REDIC1: variants seen among roughly 807,000 people sequenced by gnomAD.
REDIC1 encodes HEI10 Interacting Protein 1.
chr12:39,719,219 C>T, the REDIC1 span, among the ~76,000 whole-genome samples: 6 of 152,020 alleles, frequency 3.9e-5, no homozygotes, highest in Non-Finnish European at 7.4e-5. Flanking sequence ...TTAACTAGTT[C>T]CATTCCCTGA....
the REDIC1 span, among the ~76,000 whole-genome samples, chr12:39,839,216 A>G: frequency 2.0e-5 from 3 of 152,172 alleles, no homozygotes; most frequent in Non-Finnish European, 4.4e-5. Flanking sequence ...CAGCGACTCC[A>G]TGCCTTGCTT....
At chr12:39,655,694 C>A in the REDIC1 span, among the ~76,000 whole-genome samples, 2 of 152,268 alleles carry the variant, frequency 1.3e-5, no homozygotes, top group South Asian at 4.1e-4. Context: ...TGATGCCCTT[C>A]CATTACGGGG....
chr12:39,886,463 T>C, the REDIC1 span, among the ~76,000 whole-genome samples: 1 of 152,128 alleles, frequency 6.6e-6, no homozygotes, highest in Admixed American at 6.5e-5. Context: ...GAAGAAGAAA[T>C]GCAATTATCT....
chr12:39,766,918 TAA>T, the REDIC1 span, among the ~76,000 whole-genome samples: 1 of 152,110 alleles, frequency 6.6e-6, no homozygotes, highest in Non-Finnish European at 1.5e-5. Context: ...CTTTCTCCCC[TAA>T]AGTCTTCAGC....
the REDIC1 span, among the ~76,000 whole-genome samples, chr12:39,838,886 A>C: frequency 6.6e-6 from 1 of 152,082 alleles, no homozygotes; most frequent in African/African-American, 2.4e-5. Flanking sequence ...AATGAGATGG[A>C]GCACTAAGAA....
the REDIC1 span, chr12:39,720,946 G>A: frequency 6.2e-7 from 1 of 1,613,680 alleles, no homozygotes; most frequent in Non-Finnish European, 8.5e-7. Context: ...CAAACAGAAT[G>A]AGAATTTCTA....
At chr12:39,795,598 A>C in the REDIC1 span, among the ~76,000 whole-genome samples, 1 of 151,986 alleles carries the variant, frequency 6.6e-6, no homozygotes, top group Non-Finnish European at 1.5e-5. Context: ...TTATCTATGG[A>C]ATGATTTGGG....
chr12:39,655,632 G>A, the REDIC1 span, among the ~76,000 whole-genome samples: 10 of 152,174 alleles, frequency 6.6e-5, no homozygotes, highest in Non-Finnish European at 1.2e-4. Context: ...GTCTCAGGGA[G>A]CTGCAGTGTT....
At chr12:39,667,294 A>G in the REDIC1 span, among the ~76,000 whole-genome samples, 1 of 152,308 alleles carries the variant, frequency 6.6e-6, no homozygotes, top group African/African-American at 2.4e-5. Flanking sequence ...TTCAAAGAAT[A>G]TCTTTATTTC....
the REDIC1 span, among the ~76,000 whole-genome samples, chr12:39,722,500 C>T: frequency 6.6e-6 from 1 of 152,050 alleles, no homozygotes; most frequent in Non-Finnish European, 1.5e-5. Context: ...CATACTATAG[C>T]AGTGAACACT....
At chr12:39,662,572 G>A in the REDIC1 span, among the ~76,000 whole-genome samples, 1 of 151,796 alleles carries the variant, frequency 6.6e-6, no homozygotes, top group East Asian at 1.9e-4. Flanking sequence ...CATGTCATCT[G>A]CAAAGAGGGA....
At chr12:39,713,305 C>G in the REDIC1 span, among the ~76,000 whole-genome samples, 4 of 18,702 alleles carry the variant, frequency 2.1e-4, no homozygotes, top group Non-Finnish European at 5.8e-4. Context: ...TGTACACACA[C>G]ATACGTGTAT....
At chr12:39,862,713 C>G in the REDIC1 span, among the ~76,000 whole-genome samples, 1 of 152,112 alleles carries the variant, frequency 6.6e-6, no homozygotes, top group South Asian at 2.1e-4. Flanking sequence ...GGTTTTTATT[C>G]TTAATTATTG....
the REDIC1 span, among the ~76,000 whole-genome samples, chr12:39,808,545 C>T: frequency 6.6e-6 from 1 of 152,038 alleles, no homozygotes; most frequent in South Asian, 2.1e-4. Context: ...GTGTTTGTAC[C>T]AATTTACATT....
the REDIC1 span, among the ~76,000 whole-genome samples, chr12:39,790,475 T>G: frequency 6.6e-6 from 1 of 150,568 alleles, no homozygotes; most frequent in East Asian, 2.0e-4. Context: ...CGGTGTTTGG[T>G]TTTTTGTTCT....
the REDIC1 span, among the ~76,000 whole-genome samples, chr12:39,866,917 G>A: frequency 6.6e-6 from 1 of 152,226 alleles, no homozygotes; most frequent in Non-Finnish European, 1.5e-5. Context: ...AAGGTCAGAA[G>A]TCTATTTTGC....
chr12:39,744,239 C>T, the REDIC1 span, among the ~76,000 whole-genome samples: 1 of 152,124 alleles, frequency 6.6e-6, no homozygotes, highest in South Asian at 2.1e-4. Flanking sequence ...AATTATCCTT[C>T]AAAAGTAAAG....
chr12:39,683,395 G>C, the REDIC1 span: 65 of 1,522,100 alleles, frequency 4.3e-5, no homozygotes, highest in Non-Finnish European at 5.9e-5. Flanking sequence ...TTAACTCGGT[G>C]CATACTTTTA....
the REDIC1 span, among the ~76,000 whole-genome samples, chr12:39,711,589 G>C: frequency 6.1e-5 from 7 of 114,134 alleles, no homozygotes; most frequent in African/African-American, 2.9e-4. Flanking sequence ...ACATGCATGT[G>C]TATATGTGTA....
Sources: allele counts gnomAD v4.1 joint callset (sites outside exome capture counted in the v4.1 genomes callset), GRCh38; gene constraint gnomAD v4.1.1; transcripts MANE v1.5; gene names NCBI Gene and HGNC (gene_info 2026-07-23, HGNC 2026-07-21).